TICRR: variants seen among roughly 807,000 people sequenced by gnomAD.
The protein encoded by TICRR is TOPBP1 interacting checkpoint and replication regulator.
In TICRR, 132 loss-of-function variants were observed where a neutral mutation model predicts 178.1. The observed-to-expected ratio is 0.74, with a 90% CI of 0.64 to 0.86. The LOEUF (loss-of-function observed/expected upper bound fraction) is 0.86. TICRR is among the 40% of genes least tolerant of loss of function. TICRR has a pLI of 0.00. For missense variants in TICRR, 2,587 were observed against 2,334.3 expected (o/e 1.11, Z -2.23); for synonymous variants, 991 against 900.7 (o/e 1.10, Z -1.79).
intron 15 of TICRR, among the ~76,000 whole-genome samples, chr15:89,611,036 T>C (rs1392764685): frequency 6.6e-6 from 1 of 152,062 alleles, no homozygotes; most frequent in Non-Finnish European, 1.5e-5. Flanking sequence ...AATACAGACT[T>C]AAATTATATA....
chr15:89,612,551 C>T (rs1469472467), intron 15 of TICRR, among the ~76,000 whole-genome samples: 2 of 152,190 alleles, frequency 1.3e-5, no homozygotes, highest in African/African-American at 4.8e-5. Flanking sequence ...GAAATGGTAG[C>T]CAGTTCATGC....
At chr15:89,600,474 A>G (rs2141964636) in intron 8 of TICRR, 111 bp from the exon 9 acceptor site, 2 of 468,458 alleles carry the variant, frequency 4.3e-6, no homozygotes, top group East Asian at 3.5e-5. Context: ...ATTCAAATGA[A>G]AGAATAGAGA....
At chr15:89,587,657 A>T (rs1198313906) in intron 4 of TICRR, among the ~76,000 whole-genome samples, 5 of 152,144 alleles carry the variant, frequency 3.3e-5, no homozygotes, top group Non-Finnish European at 1.5e-5. Flanking sequence ...GAAGGCTGGG[A>T]GCTGACATTC....
chr15:89,624,683 C>A lies in TICRR; in HGVS notation c.4373C>A (p.Thr1458Lys), dbSNP rs1010084931. The A allele has an allele frequency of 5.0e-6, 8 of 1,614,006 alleles. No individual in the cohort carries two copies. The African/African-American group carries it at 8.0e-5, about 16-fold the overall frequency. ...DWHASSPLLI[T>K]SDTEHVTLLS... ...CATGCATCCTCTCCTCTGCTCATTA[C>A]AAGTGACACAGAGCATGTCACTCTC... Residue 1458 changes from threonine to lysine, a missense_variant, in exon 20 of 22, where the codon ACA becomes AAA. By Grantham distance (78) the Thr-to-Lys change is moderately conservative (BLOSUM62 -1). Transcript: ENST00000268138.
intron 4 of TICRR, among the ~76,000 whole-genome samples, chr15:89,589,490 G>A (rs1348962394): frequency 6.6e-6 from 1 of 152,134 alleles, no homozygotes; most frequent in Non-Finnish European, 1.5e-5. Context: ...TTTGCTGGAA[G>A]AGGTGCAGGT....
intron 18 of TICRR, among the ~76,000 whole-genome samples, chr15:89,620,067 A>G (rs2090968038): frequency 6.6e-6 from 1 of 152,170 alleles, no homozygotes; most frequent in South Asian, 2.1e-4. Context: ...CATTATAGGT[A>G]GCTCATTCAT....
At position 89,623,625 on chromosome 15, in the gene TICRR, T is replaced by G. The variant is rs1205714279; in HGVS notation, c.3315T>G (p.Thr1105=). The G allele has an allele frequency of 6.3e-7, 1 of 1,595,872 alleles. No homozygotes were observed. Among genetic ancestry groups the G allele is most frequent in the Non-Finnish European group, 8.5e-7 (1 of 1,173,464 alleles). Residue 1105 remains threonine, a splice_region_variant and synonymous_variant, in exon 20 of 22, where the codon ACT becomes ACG. Coordinates refer to ENST00000268138, the MANE Select transcript of TICRR (RefSeq NM_152259.4). ...LDSEVPAAYQ[T]PKKSHQKSLS... ...GAAATAAGCATTTCTCTTTTCAGACTCCCAAGAAGAGTCACCAGAAATCTC... is the reference window on the plus strand; with the variant it reads ...GAAATAAGCATTTCTCTTTTCAGACGCCCAAGAAGAGTCACCAGAAATCTC...
chr15:89,612,257 A>G (rs74881231), intron 15 of TICRR, among the ~76,000 whole-genome samples: 91 of 152,312 alleles, frequency 6.0e-4, no homozygotes, highest in Middle Eastern at 3.4e-3. Flanking sequence ...TGGTCAGCCA[A>G]TGACCTAAGA....
intron 1 of TICRR, among the ~76,000 whole-genome samples, chr15:89,581,360 T>G (rs539844066): frequency 7.5e-4 from 114 of 152,326 alleles, no homozygotes; most frequent in African/African-American, 2.7e-3. Context: ...ACTGTTTTAT[T>G]CACACCCCCC....
intron 1 of TICRR, among the ~76,000 whole-genome samples, chr15:89,581,202 C>G (rs150423124): frequency 4.0e-5 from 6 of 150,142 alleles, no homozygotes; most frequent in African/African-American, 1.5e-4. Flanking sequence ...CCTTCTAGTT[C>G]TGATTCCTAA....
intron 4 of TICRR, among the ~76,000 whole-genome samples, chr15:89,590,877 A>C (rs559119748): frequency 4.6e-5 from 7 of 152,312 alleles, no homozygotes; most frequent in Admixed American, 3.9e-4. Flanking sequence ...CCAAGACTTC[A>C]TTAATGTCTA....
intron 1 of TICRR, among the ~76,000 whole-genome samples, chr15:89,580,615 T>G (rs1428869894): frequency 6.6e-6 from 1 of 152,264 alleles, no homozygotes; most frequent in African/African-American, 2.4e-5. Flanking sequence ...GATAATGTGC[T>G]CCAATACATT....
chr15:89,583,930 C>G (rs1169111263), intron 2 of TICRR, among the ~76,000 whole-genome samples: 1 of 152,146 alleles, frequency 6.6e-6, no homozygotes. Context: ...TCAAGTGATC[C>G]TCTGGCCTTG....
intron 7 of TICRR, among the ~76,000 whole-genome samples, chr15:89,595,922 AT>A (rs545163108): frequency 1.2e-3 from 181 of 148,374 alleles, no homozygotes; most frequent in African/African-American, 9.3e-4. Flanking sequence ...TGCTTTACAG[AT>A]TTTTTTTTTT....
At position 89,619,817 on chromosome 15, in the gene TICRR, C is replaced by A; in HGVS notation, c.3129C>A (p.Val1043=). The change falls in exon 18 of 22, where the codon GTC becomes GTA. Residue 1043 remains valine (V), a synonymous_variant. Coordinates refer to ENST00000268138, the MANE Select transcript of TICRR (RefSeq NM_152259.4). ...CGAAGTCTCGAAGTGTGCAAAGAGT[C>A]CACTCTTTCCAGCAAGATAAGTCAG... ...SQPKSRSVQR[V]HSFQQDKSDQ... is the part of the protein sequence containing the mutation. 1 of 1,612,588 alleles carries A rather than the reference C, an allele frequency of 6.2e-7. No homozygotes were observed. Among genetic ancestry groups the A allele is most frequent in the Non-Finnish European group, 8.5e-7 (1 of 1,179,556 alleles).
At chr15:89,603,539 C>G (rs1366931070) in intron 13 of TICRR, among the ~76,000 whole-genome samples, 2 of 152,124 alleles carry the variant, frequency 1.3e-5, no homozygotes, top group Non-Finnish European at 1.5e-5. Context: ...GAGCTATGGT[C>G]GTGCCACTGC....
chr15:89,600,061 G>T (rs1455444271), intron 8 of TICRR, among the ~76,000 whole-genome samples: 2 of 152,158 alleles, frequency 1.3e-5, no homozygotes, highest in Non-Finnish European at 2.9e-5. Context: ...AGGCAAGATC[G>T]TACCATTGCA....
chr15:89,592,971 C>CTTCAATATTG (rs1962937960), intron 5 of TICRR, among the ~76,000 whole-genome samples: 1 of 152,242 alleles, frequency 6.6e-6, no homozygotes, highest in Non-Finnish European at 1.5e-5. Context: ...TATGTTAATA[C>CTTCAATATTG]CACATTATCT....
chr15:89,619,124 A>G (rs1963381682), intron 17 of TICRR, among the ~76,000 whole-genome samples: 1 of 152,196 alleles, frequency 6.6e-6, no homozygotes. Flanking sequence ...CTAACATTTT[A>G]GCATATACTC....
Sources: gnomAD v4.1 joint callset for allele counts (sites outside exome capture counted in the v4.1 genomes callset) on GRCh38, gnomAD v4.1.1 for gene constraint, MANE v1.5 for transcripts, NCBI Gene and HGNC (gene_info 2026-07-23, HGNC 2026-07-21) for gene names.